TMEM163: variants seen among roughly 807,000 people sequenced by gnomAD.
The protein encoded by TMEM163 is transmembrane protein 163.
In TMEM163, 17 loss-of-function variants were observed where a neutral mutation model predicts 29.3. The observed-to-expected ratio is 0.58, with a 90% CI of 0.40 to 0.87. The LOEUF is 0.87. Ranked by LOEUF, TMEM163 falls within the 40% of genes least tolerant of loss-of-function variation. The pLI, the probability that TMEM163 is intolerant of heterozygous loss-of-function variation, is 0.00. For missense variants in TMEM163, 303 were observed against 381.5 expected, an observed-to-expected ratio of 0.79 and a Z score of 1.71; for synonymous variants, 157 against 160.6, an observed-to-expected ratio of 0.98 and a Z score of 0.17.
In TMEM163 at chr2:134,597,462, G is replaced by A. The variant is rs189887871; in HGVS notation, c.323-45371C>T. ...ACCTGCCTTGCATCCCAGGGATGAA[G>A]CCCACTTGATCATGGTGGATGAGCT... On this transcript the variant is annotated intron_variant, in intron 2 of 7. Transcript: ENST00000281924. Among the ~76,000 whole-genome samples the A allele has an allele frequency of 1.8e-3, 271 of 152,332 alleles. 3 individuals are homozygous for A. The highest frequency in any genetic ancestry group is 6.0e-3 in the African/African-American group (251 of 41,578).
chr2:134,532,723 C>T (rs1680442025), intron 4 of TMEM163, among the ~76,000 whole-genome samples: 2 of 152,188 alleles, frequency 1.3e-5, no homozygotes, highest in South Asian at 4.1e-4. Flanking sequence ...TGCAGCTGTG[C>T]CCACACAGTG....
chr2:134,502,541 C>G (rs113071257), intron 5 of TMEM163, among the ~76,000 whole-genome samples: 1 of 152,128 alleles, frequency 6.6e-6, no homozygotes, highest in Non-Finnish European at 1.5e-5. Flanking sequence ...CTTAATACAA[C>G]GATCATTGAA....
chr2:134,556,667 T>C (rs1328297640), intron 2 of TMEM163, among the ~76,000 whole-genome samples: 1 of 151,882 alleles, frequency 6.6e-6, no homozygotes. Context: ...AAAAAAATTT[T>C]AAAATTAGCT....
chr2:134,525,516 C>G (rs1009127635), intron 4 of TMEM163, among the ~76,000 whole-genome samples: 1 of 152,188 alleles, frequency 6.6e-6, no homozygotes, highest in Non-Finnish European at 1.5e-5. Context: ...CGCTGGGGAG[C>G]ACTGGAAGGG....
chr2:134,466,933 AC>A (rs1251417779), intron 5 of TMEM163: 3 of 152,116 alleles, frequency 2.0e-5, no homozygotes, highest in Non-Finnish European at 2.9e-5. Context: ...CCCATGTGTC[AC>A]CCCCAAGAGA....
intron 4 of TMEM163, among the ~76,000 whole-genome samples, chr2:134,520,052 G>A (rs1574201559): frequency 6.6e-6 from 1 of 152,160 alleles, no homozygotes. Context: ...AAGATGAAGG[G>A]GCGTGGAGGA....
chr2:134,525,964 C>T (rs572943063), intron 4 of TMEM163, among the ~76,000 whole-genome samples: 1 of 152,340 alleles, frequency 6.6e-6, no homozygotes, highest in South Asian at 2.1e-4. Context: ...GGCATTCACA[C>T]AACAAATTTG....
chr2:134,630,401 G>GT (rs1207934333), intron 2 of TMEM163, among the ~76,000 whole-genome samples: 1 of 151,764 alleles, frequency 6.6e-6, no homozygotes, highest in Non-Finnish European at 1.5e-5. Context: ...TATTTCCAGC[G>GT]TTTTCAAATC....
intron 2 of TMEM163, among the ~76,000 whole-genome samples, chr2:134,703,149 G>C (rs1471768341): frequency 6.6e-6 from 1 of 152,176 alleles, no homozygotes; most frequent in Non-Finnish European, 1.5e-5. Flanking sequence ...GAGTAAGCCA[G>C]AGAAGAGAAA....
chr2:134,561,184 A>C (rs962657072), intron 2 of TMEM163, among the ~76,000 whole-genome samples: 1 of 152,224 alleles, frequency 6.6e-6, no homozygotes, highest in Non-Finnish European at 1.5e-5. Flanking sequence ...TAAAAGTAGC[A>C]GCAAAGTTCT....
At chr2:134,558,489 C>T (rs1207683819) in intron 2 of TMEM163, among the ~76,000 whole-genome samples, 1 of 152,202 alleles carries the variant, frequency 6.6e-6, no homozygotes, top group African/African-American at 2.4e-5. Context: ...AGCATATCAG[C>T]TGGAAATTCA....
chr2:134,540,840 T>A (rs1006577445), intron 4 of TMEM163, among the ~76,000 whole-genome samples: 1 of 152,194 alleles, frequency 6.6e-6, no homozygotes. Flanking sequence ...TTACATAAAA[T>A]GAAGAAATTC....
rs184216662 is a variant in TMEM163, at chr2:134,634,863, A to G, written c.322+78337T>C. Among the ~76,000 whole-genome samples the G allele has an allele frequency of 2.4e-3, 365 of 152,398 alleles. 1 individual carries two copies. Among genetic ancestry groups the G allele is most frequent in the Non-Finnish European group, 3.5e-3 (236 of 68,038 alleles). ...GCTAACCTCTGCAATAAAAGATGGA[A>G]TAATGCCAAGCAGGGCAAATTTTCT... On this transcript the variant is annotated intron_variant, in intron 2 of 7. Coordinates refer to ENST00000281924, the MANE Select transcript of TMEM163 (RefSeq NM_030923.5).
At chr2:134,691,064 G>A (rs1684453894) in intron 2 of TMEM163, among the ~76,000 whole-genome samples, 1 of 152,140 alleles carries the variant, frequency 6.6e-6, no homozygotes. Context: ...AGGGGTGGGG[G>A]AGGCACTCTG....
At position 134,546,780 on chromosome 2, in the gene TMEM163, T is replaced by G. The variant is rs149705023; in HGVS notation, c.458+3790A>C. 2.6e-5 allele frequency among the ~76,000 whole-genome samples: 4 copies of G among 151,982 alleles called. No individual in the cohort carries two copies. In the East Asian group the frequency reaches 7.7e-4, roughly 29 times the overall value. On this transcript the variant is annotated intron_variant, in intron 4 of 7. Transcript: ENST00000281924. ...GTGAGCCAAGATCATGCCACCGCACTCCAGCCTGGGCAACAGAGCAAGGCT... is the reference window on the plus strand; with the variant it reads ...GTGAGCCAAGATCATGCCACCGCACGCCAGCCTGGGCAACAGAGCAAGGCT...
chr2:134,640,229 A>T (rs1683194584), intron 2 of TMEM163, among the ~76,000 whole-genome samples: 1 of 152,200 alleles, frequency 6.6e-6, no homozygotes, highest in Non-Finnish European at 1.5e-5. Flanking sequence ...AAGATGGCAG[A>T]GCACAAGGAC....
At chr2:134,543,375 C>G (rs369694717) in intron 4 of TMEM163, among the ~76,000 whole-genome samples, 1 of 152,176 alleles carries the variant, frequency 6.6e-6, no homozygotes, top group Admixed American at 6.5e-5. Context: ...GTTATTTATT[C>G]TTCTAGTTCA....
intron 5 of TMEM163, among the ~76,000 whole-genome samples, chr2:134,476,519 T>A (rs945652418): frequency 1.3e-5 from 2 of 152,234 alleles, no homozygotes; most frequent in Non-Finnish European, 2.9e-5. Flanking sequence ...TCAGGGATTC[T>A]TAGGTGATAA....
At chr2:134,615,295 A>C (rs1682585011) in intron 2 of TMEM163, among the ~76,000 whole-genome samples, 2 of 152,230 alleles carry the variant, frequency 1.3e-5, no homozygotes, top group Non-Finnish European at 2.9e-5. Flanking sequence ...ACAAACATCA[A>C]ATTTATGGTA....
Sources: gnomAD v4.1 joint callset for allele counts (sites outside exome capture counted in the v4.1 genomes callset) on GRCh38, gnomAD v4.1.1 for gene constraint, MANE v1.5 for transcripts, NCBI Gene and HGNC (gene_info 2026-07-23, HGNC 2026-07-21) for gene names.